KDM2B: variants seen among roughly 807,000 people sequenced by gnomAD.
The protein encoded by KDM2B is lysine-specific demethylase 2B.
Under a neutral mutation model 150.0 loss-of-function variants are expected in KDM2B, and 26 were observed. The ratio of observed to expected loss-of-function variants is 0.17; its 90% CI spans 0.13 to 0.24. The LOEUF is 0.24. Ranked by LOEUF, KDM2B falls within the 10% of genes least tolerant of loss-of-function variation. The probability of loss-of-function intolerance (pLI) is 1.00; values close to 1 mark genes in which losing one functional copy is unlikely to be tolerated. For missense variants in KDM2B, 1,265 were observed against 1,816.9 expected (o/e 0.70, Z 5.52); for synonymous variants, 734 against 729.5 (o/e 1.01, Z -0.10).
At position 121,532,768 on chromosome 12, in the gene KDM2B, AGACTCGAGGAGCCCAGAGAGTGCCCCTG is replaced by A. The variant is rs781851129; in HGVS notation, c.931+10_931+37del. The stretch of plus-strand genomic sequence containing the variant: ...CTAAAACCCTGGCTCAGGCCGCAGG[AGACTCGAGGAGCCCAGAGAGTGCCCCTG>A]GAAACCTACCGGAAGGGATGAAAAA... On this transcript the variant is annotated intron_variant, in intron 8 of 22. Transcript: ENST00000377071. 3.0e-5 allele frequency: 49 copies of A among 1,608,660 alleles called. No individual in the cohort carries two copies. The highest frequency in any genetic ancestry group is 1.7e-4 in the Middle Eastern group (1 of 6,052).
intron 8 of KDM2B, among the ~76,000 whole-genome samples, chr12:121,524,488 G>C (rs1402707057): frequency 6.6e-6 from 1 of 152,178 alleles, no homozygotes; most frequent in Non-Finnish European, 1.5e-5. Context: ...GACACTCGAG[G>C]GATTCTAGAA....
At chr12:121,560,202 C>G (rs1171026516) in intron 4 of KDM2B, among the ~76,000 whole-genome samples, 15 of 151,926 alleles carry the variant, frequency 9.9e-5, no homozygotes, top group Admixed American at 9.8e-4. Flanking sequence ...GGGTTTCACT[C>G]TGTTTGAGAC....
At chr12:121,505,973 C>A (rs1885032523) in intron 11 of KDM2B, among the ~76,000 whole-genome samples, 1 of 152,170 alleles carries the variant, frequency 6.6e-6, no homozygotes, top group South Asian at 2.1e-4. Flanking sequence ...CACTCCCACC[C>A]TGAAAGTCAG....
At chr12:121,506,411 T>C (rs1404576391) in intron 11 of KDM2B, among the ~76,000 whole-genome samples, 1 of 152,154 alleles carries the variant, frequency 6.6e-6, no homozygotes, top group African/African-American at 2.4e-5. Context: ...GGCAAGCATC[T>C]GGCCACACAA....
intron 4 of KDM2B, among the ~76,000 whole-genome samples, chr12:121,558,629 A>AT (rs1437805374): frequency 4.0e-5 from 6 of 151,524 alleles, no homozygotes; most frequent in Admixed American, 1.3e-4. Flanking sequence ...TAATTTTTGT[A>AT]TTTTTTGTAG....
chr12:121,444,682 A>C, intron 14 of KDM2B, 146 bp from the exon 15 acceptor site: 1 of 693,200 alleles, frequency 1.4e-6, no homozygotes, highest in Non-Finnish European at 2.6e-6. Context: ...AAGAAAACAC[A>C]GCTGCAGAGG....
chr12:121,473,720 CA>C (rs34681676), intron 12 of KDM2B, among the ~76,000 whole-genome samples: 6 of 122,532 alleles, frequency 4.9e-5, no homozygotes, highest in Non-Finnish European at 4.9e-5. Context: ...ACTCCCAACT[CA>C]AAAAAAAAAA....
At chr12:121,563,324 A>G (rs1489130209) in intron 4 of KDM2B, among the ~76,000 whole-genome samples, 2 of 151,390 alleles carry the variant, frequency 1.3e-5, no homozygotes, top group Admixed American at 1.3e-4. Flanking sequence ...CAAAAAAAGA[A>G]GGCCGGGCTC....
In KDM2B at chr12:121,467,608, C is replaced by T. The variant is rs1555295163; in HGVS notation, c.1735-14264G>A. On this transcript the variant is annotated intron_variant, in intron 12 of 22. Coordinates refer to ENST00000377071, the MANE Select transcript of KDM2B (RefSeq NM_032590.5). The surrounding 1 kb of genome is among the most constrained non-coding windows in gnomAD (Gnocchi z 5.1). ...GGCTGCGTGGGGGCGTGCCCCGCGC[C>T]CCGCCCGGCCCGGCCTGGCCCGCGC... 1 of 149,356 alleles carries T rather than the reference C, an allele frequency of 6.7e-6. No homozygotes were observed. The highest frequency in any genetic ancestry group is 2.4e-5 in the African/African-American group (1 of 40,984). 9.3% of individuals were successfully genotyped at this position (149,356 alleles called of 1,614,324 possible).
intron 2 of KDM2B, among the ~76,000 whole-genome samples, 199 bp from the exon 3 acceptor site, chr12:121,576,058 C>T (rs1018696644): frequency 4.6e-5 from 7 of 152,136 alleles, no homozygotes; most frequent in African/African-American, 2.4e-5. Context: ...GCCATGCCAA[C>T]GATCAGCTCC....
At chr12:121,479,924 C>T (rs1881906261) in intron 12 of KDM2B, among the ~76,000 whole-genome samples, 1 of 151,988 alleles carries the variant, frequency 6.6e-6, no homozygotes, top group African/African-American at 2.4e-5. Flanking sequence ...GCCCAGCTCT[C>T]TCGCTTTTAA....
intron 16 of KDM2B, 36 bp downstream of exon 16, chr12:121,443,976 C>T (rs369348434): frequency 1.6e-5 from 26 of 1,576,570 alleles, no homozygotes; most frequent in Admixed American, 3.4e-5. Context: ...CCAGCCAGAC[C>T]AACCCCTTTG....
At chr12:121,488,800 T>C (rs1415736509) in intron 12 of KDM2B, among the ~76,000 whole-genome samples, 1 of 151,780 alleles carries the variant, frequency 6.6e-6, no homozygotes, top group Non-Finnish European at 1.5e-5. Flanking sequence ...TTTTTTTGGT[T>C]TTTTGTTTGT....
rs374845947 is a variant in KDM2B, at chr12:121,575,189, C to T, written c.350+592G>A. ...GATGCTGGAGAGAGGCTGCCTGGGA[C>T]GACACCCCAAGCCTCCTCCCCTGCC... On this transcript the variant is annotated intron_variant, in intron 3 of 22. Coordinates refer to ENST00000377071, the MANE Select transcript of KDM2B (RefSeq NM_032590.5). This position sits in a 1 kb window ranked among gnomAD's most constrained non-coding sequence, Gnocchi z 4.4. Among the ~76,000 whole-genome samples the T allele has an allele frequency of 3.9e-5, 6 of 152,326 alleles. No homozygotes were observed. In the South Asian group the frequency reaches 8.3e-4, roughly 21 times the overall value.
chr12:121,545,691 C>A (rs572445380), intron 6 of KDM2B, among the ~76,000 whole-genome samples: 12 of 152,324 alleles, frequency 7.9e-5, no homozygotes, highest in African/African-American at 2.9e-4. Flanking sequence ...CGTGCCCCCA[C>A]GCCATCCAAT....
chr12:121,436,673 A>T (rs568088669), intron 22 of KDM2B, among the ~76,000 whole-genome samples: 3 of 152,086 alleles, frequency 2.0e-5, no homozygotes, highest in East Asian at 3.9e-4. Context: ...AAGAAAGAAG[A>T]AGTTTTTCTA....
At chr12:121,554,266 T>C (rs1387445609) in intron 4 of KDM2B, among the ~76,000 whole-genome samples, 1 of 152,042 alleles carries the variant, frequency 6.6e-6, no homozygotes, top group Non-Finnish European at 1.5e-5. Context: ...GTGAAATGAA[T>C]TGTATGGTCT....
intron 11 of KDM2B, among the ~76,000 whole-genome samples, chr12:121,506,221 G>C (rs1240333389): frequency 2.0e-5 from 3 of 152,010 alleles, no homozygotes; most frequent in Non-Finnish European, 4.4e-5. Flanking sequence ...TGCCCAGGCT[G>C]GTCTCAAACT....
At position 121,537,609 on chromosome 12, in the gene KDM2B, T is replaced by G. The variant is rs1555308956; in HGVS notation, c.684-3019A>C. On this transcript the variant is annotated intron_variant, in intron 6 of 22. Transcript: ENST00000377071. This position sits in a 1 kb window ranked among gnomAD's most constrained non-coding sequence, Gnocchi z 8.7. The stretch of plus-strand genomic sequence containing the variant: ...ACCTGCAGCACCAACTTTGGGGCGC[T>G]GCCTGGGGGCTGCGGAGGCGGGGCG... The G allele has an allele frequency of 6.6e-6, 1 of 152,064 alleles. No individual in the cohort carries two copies. The highest frequency in any genetic ancestry group is 1.9e-4 in the East Asian group (1 of 5,134). The allele number at this position is 152,064 out of a possible 1,614,324, so 9.4% of individuals were successfully genotyped here.
Sources: allele counts gnomAD v4.1 joint callset (sites outside exome capture counted in the v4.1 genomes callset), GRCh38; gene constraint gnomAD v4.1.1; non-coding constraint Gnocchi (gnomAD v3.1); transcripts MANE v1.5; gene names NCBI Gene and HGNC (gene_info 2026-07-23, HGNC 2026-07-21).